The following LRRC63 variants were observed in gnomAD, a reference collection of about 807,000 sequenced individuals.
LRRC63 encodes leucine rich repeat containing 63, also known as leucine-rich repeat-containing protein 63.
Under a neutral mutation model 49.5 loss-of-function variants are expected in LRRC63, and 40 were observed. The ratio of observed to expected loss-of-function variants is 0.81; its 90% CI spans 0.63 to 1.05. LRRC63 has a LOEUF of 1.05. Among genes scored for constraint, LRRC63 ranks in the 50% least tolerant of loss-of-function variants. The pLI, the probability that LRRC63 is intolerant of heterozygous loss-of-function variation, is 0.00. For synonymous variants in LRRC63, 191 were observed against 221.1 expected, an observed-to-expected ratio of 0.86 and a Z score of 1.21; for missense variants, 636 against 663.1, an observed-to-expected ratio of 0.96 and a Z score of 0.45.
At chr13:46,268,298 G>A (rs61949191) in intron 9 of LRRC63, among the ~76,000 whole-genome samples, 34,681 of 151,966 alleles carry the variant, frequency 0.23, 4,682 homozygotes, top group East Asian at 0.35. Context: ...CATGTAGACC[G>A]GAGGTAAAGA....
intron 7 of LRRC63, among the ~76,000 whole-genome samples, chr13:46,260,992 G>C (rs1227182573): frequency 1.3e-5 from 2 of 152,190 alleles, no homozygotes; most frequent in Non-Finnish European, 2.9e-5. Flanking sequence ...AGCACATACA[G>C]AGAAGGGGGT....
Position 46,226,019 on chromosome 13 carries a change from C to T in LRRC63, c.86-1493C>T, listed in dbSNP as rs181166293. Among the ~76,000 whole-genome samples the T allele has an allele frequency of 9.2e-5, 14 of 151,732 alleles. No individual in the cohort carries two copies. In the South Asian group the frequency reaches 2.5e-3, roughly 27 times the overall value. On this transcript the variant is annotated intron_variant, in intron 2 of 9. Transcript: ENST00000595396. ...TTTTTTTTTTGACAGGGTCTCACTCCGTCACCCAAGTTGAAGTGCAGTGGT... is the reference window on the plus strand; with the variant it reads ...TTTTTTTTTTGACAGGGTCTCACTCTGTCACCCAAGTTGAAGTGCAGTGGT...
intron 7 of LRRC63, among the ~76,000 whole-genome samples, chr13:46,254,902 A>G (rs1594083634): frequency 6.6e-6 from 1 of 152,234 alleles, no homozygotes; most frequent in South Asian, 2.1e-4. Flanking sequence ...GAATGTCCAT[A>G]GCAGTTTTAT....
intron 5 of LRRC63, among the ~76,000 whole-genome samples, chr13:46,244,215 A>C (rs2047148272): frequency 6.6e-6 from 1 of 152,186 alleles, no homozygotes; most frequent in Non-Finnish European, 1.5e-5. Context: ...CAGGAGTACA[A>C]AAGGTTGGAA....
chr13:46,222,898 C>T lies in LRRC63; in HGVS notation c.86-4614C>T, dbSNP rs111727189. Among the ~76,000 whole-genome samples, 84 of 152,116 alleles carry T rather than the reference C, an allele frequency of 5.5e-4. 3 individuals carry two copies. Among genetic ancestry groups the T allele is most frequent in the African/African-American group, 1.9e-3 (79 of 41,480 alleles). ...ATACAGCCTTAAAAAAGGATGAGTTCGTGTCCTTTGTAGGGACATGGATGA... is the reference window on the plus strand; with the variant it reads ...ATACAGCCTTAAAAAAGGATGAGTTTGTGTCCTTTGTAGGGACATGGATGA... On this transcript the variant is annotated intron_variant, in intron 2 of 9. Transcript: ENST00000595396.
At chr13:46,236,849 A>G (rs2046918074) in intron 5 of LRRC63, among the ~76,000 whole-genome samples, 1 of 152,228 alleles carries the variant, frequency 6.6e-6, no homozygotes, top group Admixed American at 6.5e-5. Context: ...ATGTGTAAAC[A>G]TAATTATAAA....
intron 7 of LRRC63, among the ~76,000 whole-genome samples, chr13:46,256,411 C>G (rs1278654996): frequency 6.6e-6 from 1 of 152,156 alleles, no homozygotes; most frequent in African/African-American, 2.4e-5. Context: ...AGCTGTGATT[C>G]TAAAAGACAG....
intron 8 of LRRC63, among the ~76,000 whole-genome samples, chr13:46,264,127 T>C (rs1408098540): frequency 6.6e-6 from 1 of 152,200 alleles, no homozygotes; most frequent in African/African-American, 2.4e-5. Flanking sequence ...TTTTTCTTCC[T>C]AAGCGACTTT....
intron 5 of LRRC63, among the ~76,000 whole-genome samples, chr13:46,242,761 GA>G (rs56322506): frequency 0.33 from 46,571 of 141,104 alleles, 7,421 homozygotes; most frequent in East Asian, 0.39. Flanking sequence ...GAGTGTTGAA[GA>G]AAAAAAAAAA....
intron 9 of LRRC63, among the ~76,000 whole-genome samples, chr13:46,271,179 G>A (rs186189007): frequency 2.7e-4 from 41 of 152,304 alleles, no homozygotes; most frequent in African/African-American, 9.4e-4. Flanking sequence ...TTGGGTATAT[G>A]TGGAAGGTCC....
chr13:46,263,507 T>C (rs1301599372), intron 8 of LRRC63, among the ~76,000 whole-genome samples: 1 of 152,064 alleles, frequency 6.6e-6, no homozygotes, highest in Non-Finnish European at 1.5e-5. Flanking sequence ...TTTCCCAAAC[T>C]CATAATCAAA....
intron 9 of LRRC63, chr13:46,270,051 T>A: frequency 1.8e-6 from 1 of 545,944 alleles, no homozygotes; most frequent in South Asian, 2.0e-5. Flanking sequence ...GTTTAATTTA[T>A]AGGGGTGGTG....
In LRRC63 at chr13:46,256,537, C is replaced by A. The variant is rs551116463; in HGVS notation, c.1227-5372C>A. Among the ~76,000 whole-genome samples, 4 of 152,346 alleles carry A rather than the reference C, an allele frequency of 2.6e-5. No individual in the cohort carries two copies. The East Asian group carries it at 7.7e-4, about 29-fold the overall frequency. ...TTTACTCAGTCCTATTTCAAAATTG[C>A]TTGGAATTGGTAATTCCTGTTTACC... On this transcript the variant is annotated intron_variant, in intron 7 of 9. Coordinates refer to ENST00000595396, the Ensembl canonical transcript of LRRC63.
chr13:46,267,480 A>G (rs533957639), intron 9 of LRRC63, among the ~76,000 whole-genome samples: 1 of 152,322 alleles, frequency 6.6e-6, no homozygotes, highest in African/African-American at 2.4e-5. Flanking sequence ...CTTGTCGCTT[A>G]CTTTCTTCAG....
At chr13:46,213,540 T>C (rs1035479422) in intron 2 of LRRC63, among the ~76,000 whole-genome samples, 1 of 152,210 alleles carries the variant, frequency 6.6e-6, no homozygotes, top group Admixed American at 6.5e-5. Context: ...TTTGTGCTTT[T>C]AGTTAGTGAT....
At chr13:46,275,654 A>AG (rs1243449729) in intron 9 of LRRC63, among the ~76,000 whole-genome samples, 4 of 87,896 alleles carry the variant, frequency 4.6e-5, no homozygotes, top group African/African-American at 2.0e-4. Flanking sequence ...TTTTAAAATC[A>AG]GATTTTTTTT....
At chr13:46,228,770 T>C in intron 4 of LRRC63, 37 bp downstream of exon 4, 1 of 1,330,776 alleles carries the variant, frequency 7.5e-7, no homozygotes, top group Non-Finnish European at 1.0e-6. Flanking sequence ...TTAGAAAATG[T>C]ATGTAAGATT....
At chr13:46,258,815 A>AG (rs1471852264) in intron 7 of LRRC63, among the ~76,000 whole-genome samples, 1 of 151,638 alleles carries the variant, frequency 6.6e-6, no homozygotes, top group Admixed American at 6.6e-5. Flanking sequence ...CTCAAAAAAA[A>AG]AAAAAAAAAA....
intron 4 of LRRC63, among the ~76,000 whole-genome samples, chr13:46,229,012 T>C (rs988616375): frequency 3.3e-5 from 5 of 152,184 alleles, no homozygotes; most frequent in Non-Finnish European, 5.9e-5. Context: ...CTATTTGCCA[T>C]GTGCCAGGCA....
Sources: allele counts gnomAD v4.1 joint callset (sites outside exome capture counted in the v4.1 genomes callset), GRCh38; gene constraint gnomAD v4.1.1; transcripts MANE v1.5; gene names NCBI Gene and HGNC (gene_info 2026-07-23, HGNC 2026-07-21).